The following ALKBH8 variants were observed in gnomAD, a reference collection of about 807,000 sequenced individuals.
ALKBH8 encodes alkB homolog 8, tRNA methyltransferase.
Under a neutral mutation model 59.8 loss-of-function variants are expected in ALKBH8, and 36 were observed. The observed-to-expected ratio is 0.60, with a 90% CI of 0.46 to 0.79. The LOEUF (loss-of-function observed/expected upper bound fraction) is 0.79. Ranked by LOEUF, ALKBH8 falls within the 30% of genes least tolerant of loss-of-function variation. The pLI is 0.00. For synonymous variants in ALKBH8, 276 were observed against 273.6 expected, an observed-to-expected ratio of 1.01 and a Z score of -0.09; for missense variants, 768 against 801.0, an observed-to-expected ratio of 0.96 and a Z score of 0.50.
intron 9 of ALKBH8, 53 bp from the exon 10 acceptor site, chr11:107,522,608 G>GC: frequency 6.8e-7 from 1 of 1,478,502 alleles, no homozygotes; most frequent in South Asian, 1.3e-5. Flanking sequence ...AACTCATAAG[G>GC]TATCAAGTTT....
chr11:107,558,048 T>C (rs1864788187), intron 2 of ALKBH8, among the ~76,000 whole-genome samples: 1 of 152,232 alleles, frequency 6.6e-6, no homozygotes, highest in South Asian at 2.1e-4. Context: ...TTCTGTCAGA[T>C]AGTCTTAGTA....
chr11:107,550,313 AAGCCAGTAGG>A (rs1341412020), intron 6 of ALKBH8, among the ~76,000 whole-genome samples: 3 of 152,222 alleles, frequency 2.0e-5, no homozygotes, highest in African/African-American at 7.2e-5. Context: ...AGGGTATACA[AAGCCAGTAGG>A]AGGGTCCCTG....
rs955456844 is a variant in ALKBH8, at chr11:107,504,632, T to C, written c.*26A>G. 4.3e-5 allele frequency: 66 copies of C among 1,536,742 alleles called. No homozygotes were observed. Among genetic ancestry groups the C allele is most frequent in the Admixed American group, 6.2e-5 (3 of 48,180 alleles). ...TTTTTTTAAGTGAGCATTTCTTCTTTATATATGATGTGTTCAGGTAAATAA... is the reference window on the plus strand; with the variant it reads ...TTTTTTTAAGTGAGCATTTCTTCTTCATATATGATGTGTTCAGGTAAATAA... On this transcript the variant is annotated 3_prime_UTR_variant, in exon 12 of 12. Transcript: ENST00000428149.
At chr11:107,549,726 T>C (rs1453317352) in intron 7 of ALKBH8, 27 bp downstream of exon 7, 2 of 1,465,482 alleles carry the variant, frequency 1.4e-6, no homozygotes, top group Non-Finnish European at 1.9e-6. Flanking sequence ...AGATATATGA[T>C]GATAGCTAAT....
chr11:107,528,206 G>A (rs924707918), intron 8 of ALKBH8, among the ~76,000 whole-genome samples: 5 of 152,122 alleles, frequency 3.3e-5, no homozygotes, highest in South Asian at 2.1e-4. Flanking sequence ...TTTGACTTTC[G>A]AATGTTCTGT....
rs563395837 is a variant in ALKBH8, at chr11:107,565,268, G to A, written c.-7+333C>T. 331 of 441,754 alleles carry A rather than the reference G, an allele frequency of 7.5e-4. 1 individual carries two copies. The highest frequency in any genetic ancestry group is 1.1e-3 in the Non-Finnish European group (254 of 241,152). The allele number at this position is 441,754 out of a possible 1,614,324, so 27.4% of individuals were successfully genotyped here. ...GCCTTTGCATCGATGCAATCAGACCGATTGTCACCGGTCAGAAAAGCCCCA... is the reference window on the plus strand; with the variant it reads ...GCCTTTGCATCGATGCAATCAGACCAATTGTCACCGGTCAGAAAAGCCCCA... On this transcript the variant is annotated intron_variant, in intron 1 of 11. Transcript: ENST00000428149.
intron 7 of ALKBH8, among the ~76,000 whole-genome samples, chr11:107,542,248 T>A (rs1864068167): frequency 6.6e-6 from 1 of 150,788 alleles, no homozygotes; most frequent in African/African-American, 2.4e-5. Flanking sequence ...AACAAGCCAA[T>A]CAAAATAAGC....
intron 3 of ALKBH8, among the ~76,000 whole-genome samples, chr11:107,556,202 C>T (rs1864701734): frequency 6.6e-6 from 1 of 151,982 alleles, no homozygotes; most frequent in Non-Finnish European, 1.5e-5. Flanking sequence ...TGCTTGAACC[C>T]GGGAGGTGGA....
rs770084352 is a variant in ALKBH8, at chr11:107,556,821, T to A, written c.312A>T (p.Glu104Asp). 10 of 1,514,516 alleles carry A rather than the reference T, an allele frequency of 6.6e-6. No individual in the cohort carries two copies. In the East Asian group the frequency reaches 2.0e-4, roughly 30 times the overall value. 93.8% of individuals were successfully genotyped at this position (1,514,516 alleles called of 1,614,324 possible). Residue 104 changes from glutamate to aspartate, a missense_variant, in exon 3 of 12, where the codon GAA (glutamate) becomes GAT (aspartate). By Grantham distance (45) the Glu-to-Asp change is conservative (BLOSUM62 2). Transcript: ENST00000428149. ...KRAYVTLNGK[E>D]VVDDLGQKIT... Reference sequence around the variant, plus strand: ...TCTTTTGTCCTAAATCATCCACTACTTCTTTTCCATTGAGGGTAACATAGG... The same window carrying A: ...TCTTTTGTCCTAAATCATCCACTACATCTTTTCCATTGAGGGTAACATAGG...
At chr11:107,528,411 T>C (rs1013215443) in intron 8 of ALKBH8, among the ~76,000 whole-genome samples, 1 of 152,142 alleles carries the variant, frequency 6.6e-6, no homozygotes, top group Non-Finnish European at 1.5e-5. Context: ...GGTGGCTCTT[T>C]TTAAAAAGCT....
Position 107,504,997 on chromosome 11 carries a change from G to A in ALKBH8, c.1656C>T (p.Asp552=). The A allele has an allele frequency of 6.4e-7, 1 of 1,551,636 alleles. No homozygotes were observed. Among genetic ancestry groups the A allele is most frequent in the Non-Finnish European group, 8.7e-7 (1 of 1,146,864 alleles). ...VEQMRDMGSR[D]SASSVPRIND... Reference sequence around the variant, plus strand: ...TAATGCGGGGGACAGAAGATGCCGAGTCTCGACTGCCCATGTCACGCATTT... The same window carrying A: ...TAATGCGGGGGACAGAAGATGCCGAATCTCGACTGCCCATGTCACGCATTT... Residue 552 remains aspartate, a synonymous_variant, in exon 12 of 12, where the codon GAC becomes GAT. Transcript: ENST00000428149.
At chr11:107,524,265 T>C (rs1417362960) in intron 9 of ALKBH8, among the ~76,000 whole-genome samples, 1 of 152,086 alleles carries the variant, frequency 6.6e-6, no homozygotes, top group South Asian at 2.1e-4. Flanking sequence ...GGTCTTCCTA[T>C]GTTGTCCAAG....
At chr11:107,518,615 G>C (rs1862971354) in intron 10 of ALKBH8, among the ~76,000 whole-genome samples, 1 of 152,270 alleles carries the variant, frequency 6.6e-6, no homozygotes, top group Admixed American at 6.5e-5. Flanking sequence ...ACAATAGCAT[G>C]AGCAATCTGT....
intron 7 of ALKBH8, among the ~76,000 whole-genome samples, chr11:107,547,131 GACAAAATTATT>G (rs1173468556): frequency 6.6e-6 from 1 of 152,126 alleles, no homozygotes; most frequent in South Asian, 2.1e-4. Context: ...TAATGCCACT[GACAAAATTATT>G]ACAATGAAAT....
intron 3 of ALKBH8, among the ~76,000 whole-genome samples, chr11:107,554,650 A>C (rs1864631188): frequency 6.6e-6 from 1 of 152,252 alleles, no homozygotes; most frequent in African/African-American, 2.4e-5. Context: ...GTTTTCTGCC[A>C]GGCAGATTAA....
intron 10 of ALKBH8, among the ~76,000 whole-genome samples, chr11:107,512,309 T>TTTTG (rs10676289): frequency 0.23 from 31,412 of 138,684 alleles, 5,456 homozygotes; most frequent in African/African-American, 0.47. Flanking sequence ...AAGGGTTTTT[T>TTTTG]TTTGTTTGTT....
At chr11:107,528,213 C>G (rs749510959) in intron 8 of ALKBH8, among the ~76,000 whole-genome samples, 1 of 151,922 alleles carries the variant, frequency 6.6e-6, no homozygotes, top group African/African-American at 2.4e-5. Flanking sequence ...TTCGAATGTT[C>G]TGTTATGGGT....
At chr11:107,530,442 CT>C (rs1222538205) in intron 8 of ALKBH8, among the ~76,000 whole-genome samples, 3 of 152,032 alleles carry the variant, frequency 2.0e-5, no homozygotes, top group African/African-American at 7.2e-5. Flanking sequence ...ATCAAATATG[CT>C]TTTCCAATCT....
intron 1 of ALKBH8, among the ~76,000 whole-genome samples, chr11:107,564,346 T>C (rs951056141): frequency 2.0e-5 from 3 of 152,126 alleles, no homozygotes; most frequent in Non-Finnish European, 4.4e-5. Flanking sequence ...TATAGACAAA[T>C]GTTCCTATAC....
Sources: allele counts gnomAD v4.1 joint callset (sites outside exome capture counted in the v4.1 genomes callset), GRCh38; gene constraint gnomAD v4.1.1; transcripts MANE v1.5; gene names NCBI Gene and HGNC (gene_info 2026-07-23, HGNC 2026-07-21).